PTPRC: variants seen among roughly 807,000 people sequenced by gnomAD.
PTPRC encodes receptor-type tyrosine-protein phosphatase C.
Under a neutral mutation model 155.9 loss-of-function variants are expected in PTPRC, and 44 were observed. The observed-to-expected ratio is 0.28, with a 90% confidence interval of 0.22 to 0.36. The LOEUF (loss-of-function observed/expected upper bound fraction) is 0.36. Ranked by LOEUF, PTPRC falls within the 10% of genes least tolerant of loss-of-function variation. The pLI, the probability that PTPRC is intolerant of heterozygous loss-of-function variation, is 1.00. For synonymous variants in PTPRC, 525 were observed against 533.1 expected (o/e 0.98, Z 0.21); for missense variants, 1,401 against 1,564.6 (o/e 0.90, Z 1.76).
At position 198,698,801 on chromosome 1, in the gene PTPRC, T is replaced by G. The variant is rs1341524999; in HGVS notation, c.299-763T>G. On this transcript the variant is annotated intron_variant, in intron 4 of 32. Transcript: ENST00000442510. ...ACATATACATATATACATATAGGAT[T>G]AAAGTATATAAAATGTATACTTTAT... Among the ~76,000 whole-genome samples the G allele has an allele frequency of 2.0e-5, 3 of 152,070 alleles. No individual in the cohort carries two copies. The East Asian group carries it at 5.8e-4, about 29-fold the overall frequency.
At chr1:198,694,269 CT>C in intron 3 of PTPRC, 1 of 846,376 alleles carries the variant, frequency 1.2e-6, no homozygotes, top group Non-Finnish European at 1.5e-6. Flanking sequence ...CTTGTGCCTG[CT>C]TTTTCTAGCC....
At chr1:198,737,810 T>G (rs12568150) in intron 23 of PTPRC, among the ~76,000 whole-genome samples, 28,141 of 151,740 alleles carry the variant, frequency 0.19, 3,150 homozygotes, top group African/African-American at 0.29. Flanking sequence ...TAGCTTTCCA[T>G]TTTTTATGTC....
intron 20 of PTPRC, 23 bp downstream of exon 20, chr1:198,732,579 C>A: frequency 6.6e-7 from 1 of 1,517,674 alleles, no homozygotes. Flanking sequence ...TTGCATTTTT[C>A]TTATACCTAC....
intron 2 of PTPRC, among the ~76,000 whole-genome samples, chr1:198,654,355 A>G (rs940464188): frequency 1.3e-5 from 2 of 151,894 alleles, no homozygotes; most frequent in African/African-American, 4.8e-5. Context: ...ATTTAAAAAA[A>G]TTAGCTAGTG....
At chr1:198,664,916 G>C (rs945391757) in intron 2 of PTPRC, among the ~76,000 whole-genome samples, 2 of 152,010 alleles carry the variant, frequency 1.3e-5, no homozygotes. Context: ...AATGGCTTAT[G>C]ACAGGAAAAG....
chr1:198,644,408 A>G (rs532413214), intron 2 of PTPRC, among the ~76,000 whole-genome samples: 60 of 151,990 alleles, frequency 3.9e-4, no homozygotes, highest in Non-Finnish European at 6.6e-4. Flanking sequence ...ATAATACCCA[A>G]ATATACAGGA....
At chr1:198,641,444 G>C (rs1454026454) in intron 2 of PTPRC, among the ~76,000 whole-genome samples, 1 of 151,996 alleles carries the variant, frequency 6.6e-6, no homozygotes, top group African/African-American at 2.4e-5. Context: ...TAAAGAAATA[G>C]AGCCAAATGT....
rs74576398 is a variant in PTPRC, at chr1:198,725,942, C to G, written c.1721-2398C>G. On this transcript the variant is annotated intron_variant, in intron 15 of 32. Coordinates refer to ENST00000442510, the MANE Select transcript of PTPRC (RefSeq NM_002838.5). ...TCTAATTTCCCTTCTCTCATTTTCA[C>G]TGTCATTATAAATCTATGGCATTTT... is the stretch of plus-strand genomic sequence containing the variant. Among the ~76,000 whole-genome samples the G allele has an allele frequency of 8.5e-3, 1,301 of 152,268 alleles. 18 individuals carry two copies. The highest frequency in any genetic ancestry group is 0.048 in the South Asian group (231 of 4,820).
intron 2 of PTPRC, among the ~76,000 whole-genome samples, chr1:198,684,114 T>A (rs925061688): frequency 2.0e-5 from 3 of 151,242 alleles, no homozygotes; most frequent in African/African-American, 7.3e-5. Flanking sequence ...AGCGATAAAA[T>A]TTTCCCCCTG....
chr1:198,700,701 A>C lies in PTPRC; in HGVS notation c.439+997A>C, dbSNP rs532930799. On this transcript the variant is annotated intron_variant, in intron 5 of 32. Coordinates refer to ENST00000442510, the MANE Select transcript of PTPRC (RefSeq NM_002838.5). ...GGACTGACCCCTGGGGCTGGTTGTCACACAGACTAGTCTGCTCTGTCCTGA... is the reference window on the plus strand; with the variant it reads ...GGACTGACCCCTGGGGCTGGTTGTCCCACAGACTAGTCTGCTCTGTCCTGA... 1.2e-3 allele frequency among the ~76,000 whole-genome samples: 189 copies of C among 152,346 alleles called. 2 individuals carry two copies. The highest frequency in any genetic ancestry group is 3.4e-3 in the Middle Eastern group (1 of 294).
At chr1:198,685,320 C>T (rs1665558104) in intron 2 of PTPRC, among the ~76,000 whole-genome samples, 1 of 151,674 alleles carries the variant, frequency 6.6e-6, no homozygotes, top group Non-Finnish European at 1.5e-5. Context: ...AGTTTCATTC[C>T]CTATAAAAAA....
chr1:198,678,520 A>G (rs1665090925), intron 2 of PTPRC, among the ~76,000 whole-genome samples: 1 of 152,174 alleles, frequency 6.6e-6, no homozygotes. Context: ...CCATGCCCCA[A>G]CAAAAGCAAA....
Position 198,752,782 on chromosome 1 carries a change from A to T in PTPRC, c.3509+10A>T, listed in dbSNP as rs767916376. On this transcript the variant is annotated intron_variant, in intron 31 of 32. Coordinates refer to ENST00000442510, the MANE Select transcript of PTPRC (RefSeq NM_002838.5). ...TACTCATTCACTGCAGGTGCGTGGG[A>T]TTTGGTAGAATGTGCTCTCAAAATC... 3.7e-6 allele frequency: 6 copies of T among 1,610,682 alleles called. No individual in the cohort carries two copies. The African/African-American group carries it at 8.0e-5, about 22-fold the overall frequency.
intron 5 of PTPRC, chr1:198,699,931 G>A: frequency 1.6e-6 from 1 of 621,138 alleles, no homozygotes; most frequent in Non-Finnish European, 2.8e-6. Context: ...AATCTGCTCA[G>A]GAGGAAAGAG....
intron 14 of PTPRC, among the ~76,000 whole-genome samples, chr1:198,719,385 C>G (rs1156347774): frequency 6.6e-6 from 1 of 152,112 alleles, no homozygotes; most frequent in Non-Finnish European, 1.5e-5. Flanking sequence ...TGATATTAAA[C>G]TCTTTGTCAC....
chr1:198,755,048 A>C (rs748055421), intron 32 of PTPRC, among the ~76,000 whole-genome samples: 2 of 152,078 alleles, frequency 1.3e-5, no homozygotes, highest in African/African-American at 4.8e-5. Context: ...CTTGTGTGAG[A>C]CCACTTGAGG....
In PTPRC at chr1:198,704,508, T is replaced by A. The variant is rs1278008633; in HGVS notation, c.685+10T>A. ...TCTAAGCCAACATGTGGTAAGTTTA[T>A]TTACTTAGAATCAGCATACCTCACT... On this transcript the variant is annotated intron_variant, in intron 8 of 32. Transcript: ENST00000442510. 6.2e-7 allele frequency: 1 copy of A among 1,614,064 alleles called. No homozygotes were observed. The highest frequency in any genetic ancestry group is 2.2e-5 in the East Asian group (1 of 44,840).
At chr1:198,691,706 A>G (rs1177801735) in intron 2 of PTPRC, among the ~76,000 whole-genome samples, 1 of 152,098 alleles carries the variant, frequency 6.6e-6, no homozygotes, top group Non-Finnish European at 1.5e-5. Context: ...TTCTGGGACC[A>G]AGCTAGCTAT....
intron 2 of PTPRC, among the ~76,000 whole-genome samples, chr1:198,658,913 C>T (rs1295564494): frequency 2.6e-5 from 4 of 151,988 alleles, no homozygotes; most frequent in East Asian, 1.9e-4. Context: ...CATTTGAGAA[C>T]GTTAAGTTGA....
Sources: allele counts gnomAD v4.1 joint callset (sites outside exome capture counted in the v4.1 genomes callset), GRCh38; gene constraint gnomAD v4.1.1; transcripts MANE v1.5; gene names NCBI Gene and HGNC (gene_info 2026-07-23, HGNC 2026-07-21).